The following ZBTB46 variants were observed in gnomAD, a reference collection of about 807,000 sequenced individuals.
ZBTB46 encodes the protein zinc finger and BTB domain-containing protein 46.
A neutral mutation model predicts 44.1 loss-of-function variants in ZBTB46; 8 were observed. The observed-to-expected ratio is 0.18, with a 90% confidence interval of 0.11 to 0.33. The LOEUF is 0.33. ZBTB46 is among the 10% of genes least tolerant of loss of function. The pLI is 1.00. For missense variants in ZBTB46, 651 were observed against 847.7 expected, an observed-to-expected ratio of 0.77 and a Z score of 2.88; for synonymous variants, 409 against 382.3, an observed-to-expected ratio of 1.07 and a Z score of -0.81.
intron 1 of ZBTB46, among the ~76,000 whole-genome samples, chr20:63,826,530 G>A (rs2092820257): frequency 6.6e-6 from 1 of 151,518 alleles, no homozygotes; most frequent in Admixed American, 6.6e-5. Context: ...AGACCATCCT[G>A]GCTAACATGG....
At chr20:63,794,103 G>A (rs575581323) in intron 1 of ZBTB46, among the ~76,000 whole-genome samples, 5 of 151,550 alleles carry the variant, frequency 3.3e-5, no homozygotes, top group East Asian at 1.9e-4. Flanking sequence ...GGAGAATAGC[G>A]TGAACCCGGG....
chr20:63,778,460 G>T (rs889370297), intron 2 of ZBTB46, among the ~76,000 whole-genome samples: 1 of 152,210 alleles, frequency 6.6e-6, no homozygotes, highest in African/African-American at 2.4e-5. Context: ...CAGAAACACA[G>T]GGGCATGGGG....
Position 63,743,790 on chromosome 20 carries a change from G to A in ZBTB46, c.*3140C>T, listed in dbSNP as rs1455050368. The A allele has an allele frequency of 6.6e-6, 1 of 152,472 alleles. No homozygotes were observed. The highest frequency in any genetic ancestry group is 1.5e-5 in the Non-Finnish European group (1 of 68,052). 9.4% of individuals were successfully genotyped at this position (152,472 alleles called of 1,614,324 possible). On this transcript the variant is annotated 3_prime_UTR_variant, in exon 5 of 5. Transcript: ENST00000245663. ...AGAAACTTGGAGACTCACCGCAGAG[G>A]CCACGTGAACCCACGGCCACAGAGA... is the stretch of plus-strand genomic sequence containing the variant.
intron 3 of ZBTB46, among the ~76,000 whole-genome samples, chr20:63,771,524 C>G (rs928400859): frequency 6.6e-6 from 1 of 152,178 alleles, no homozygotes; most frequent in Non-Finnish European, 1.5e-5. Flanking sequence ...GTTCTCTCCC[C>G]CGATCAGCGT....
intron 1 of ZBTB46, among the ~76,000 whole-genome samples, chr20:63,810,849 T>C (rs966486719): frequency 1.3e-5 from 2 of 151,920 alleles, no homozygotes; most frequent in African/African-American, 4.8e-5. Context: ...ACCCAGGAGG[T>C]GAACAGAGCG....
At position 63,753,730 on chromosome 20, in the gene ZBTB46, G is replaced by T. The variant is rs942976011; in HGVS notation, c.1223-869C>A. On this transcript the variant is annotated intron_variant, in intron 3 of 4. Transcript: ENST00000245663. ...CAGGACATCTTCCCCTCTGCATACT[G>T]TGACCACCTTTCAGTGCTGGGATTT... is the stretch of plus-strand genomic sequence containing the variant. Among the ~76,000 whole-genome samples, 17 of 152,382 alleles carry T rather than the reference G, an allele frequency of 1.1e-4. No homozygotes were observed. The Middle Eastern group carries it at 0.014, about 122-fold the overall frequency.
Position 63,790,320 on chromosome 20 carries a change from G to C in ZBTB46, c.438C>G (p.Ile146Met). 2 of 1,613,064 alleles carry C rather than the reference G, an allele frequency of 1.2e-6. No individual in the cohort carries two copies. Among genetic ancestry groups the C allele is most frequent in the Non-Finnish European group, 1.7e-6 (2 of 1,179,988 alleles). The stretch of plus-strand genomic sequence containing the variant: ...CCGTGCTGCTGCTGGACGAGGCGCC[G>C]ATCTCGAACTCCGCAAGCTCATCTG... ...DASDELAEFE[I>M]GASSSSSTEA... The change falls in exon 2 of 5, where the codon ATC becomes ATG. Residue 146 changes from isoleucine to methionine, a missense_variant. Around this residue, in one of 5 missense-constraint regions of ZBTB46, gnomAD observed 385 missense variants for 423.3 expected, o/e 0.91. Transcript: ENST00000245663.
At chr20:63,791,553 A>G (rs1216941469) in intron 1 of ZBTB46, among the ~76,000 whole-genome samples, 1 of 152,010 alleles carries the variant, frequency 6.6e-6, no homozygotes, top group Non-Finnish European at 1.5e-5. Flanking sequence ...ATAAGGAATT[A>G]AAGCATTCAT....
At chr20:63,823,490 CCT>C (rs1197030608) in intron 1 of ZBTB46, among the ~76,000 whole-genome samples, 2 of 138,348 alleles carry the variant, frequency 1.4e-5, no homozygotes, top group Non-Finnish European at 3.1e-5. Flanking sequence ...AGAGTGAGAC[CCT>C]GTCTCAAAAA....
chr20:63,756,083 C>G (rs542810220), intron 3 of ZBTB46, among the ~76,000 whole-genome samples: 4 of 152,334 alleles, frequency 2.6e-5, no homozygotes, highest in Admixed American at 6.5e-5. Context: ...TGGAGGCCTC[C>G]CCTAAGCTCA....
At chr20:63,800,046 T>A (rs745473435) in intron 1 of ZBTB46, among the ~76,000 whole-genome samples, 3 of 152,056 alleles carry the variant, frequency 2.0e-5, no homozygotes, top group Non-Finnish European at 4.4e-5. Flanking sequence ...AATGTCCAAA[T>A]GTGCATCAAC....
chr20:63,820,316 G>A (rs1305513797), intron 1 of ZBTB46, among the ~76,000 whole-genome samples: 1 of 151,804 alleles, frequency 6.6e-6, no homozygotes, highest in Non-Finnish European at 1.5e-5. Flanking sequence ...AGCCAGGATG[G>A]TCTCGATCTC....
intron 2 of ZBTB46, among the ~76,000 whole-genome samples, chr20:63,778,126 G>A (rs1231626882): frequency 9.5e-6 from 1 of 105,454 alleles, no homozygotes; most frequent in Non-Finnish European, 2.2e-5. Context: ...AGGATGCTGT[G>A]AATATACCAT....
intron 2 of ZBTB46, among the ~76,000 whole-genome samples, chr20:63,785,448 C>T (rs796689362): frequency 2.0e-5 from 3 of 151,898 alleles, no homozygotes; most frequent in African/African-American, 7.2e-5. Flanking sequence ...GTAATCCCAG[C>T]TACTCGGAGG....
chr20:63,750,720 C>T lies in ZBTB46; in HGVS notation c.1398+1966G>A, dbSNP rs374237384. ...AGGAGTTCGGGACTAGCCTGGGCAACACAGCGAAATCCCATCACCACAAAA... is the reference window on the plus strand; with the variant it reads ...AGGAGTTCGGGACTAGCCTGGGCAATACAGCGAAATCCCATCACCACAAAA... On this transcript the variant is annotated intron_variant, in intron 4 of 4. Coordinates refer to ENST00000245663, the MANE Select transcript of ZBTB46 (RefSeq NM_001369741.1). 7.2e-5 allele frequency among the ~76,000 whole-genome samples: 11 copies of T among 152,030 alleles called. No individual in the cohort carries two copies. The East Asian group carries it at 1.7e-3, about 24-fold the overall frequency.
chr20:63,806,084 A>T (rs570890371), intron 1 of ZBTB46, among the ~76,000 whole-genome samples: 96 of 151,212 alleles, frequency 6.3e-4, no homozygotes, highest in African/African-American at 2.0e-3. Context: ...CCCAACTTTT[A>T]AAAATATTAT....
At chr20:63,766,964 C>G (rs1228857001) in intron 3 of ZBTB46, among the ~76,000 whole-genome samples, 3 of 152,144 alleles carry the variant, frequency 2.0e-5, no homozygotes, top group African/African-American at 7.2e-5. Flanking sequence ...GATGCCTATC[C>G]CCCTCCTGAG....
intron 3 of ZBTB46, among the ~76,000 whole-genome samples, chr20:63,766,311 G>A (rs2145822565): frequency 6.7e-6 from 1 of 149,146 alleles, no homozygotes; most frequent in African/African-American, 2.5e-5. Context: ...CGCCTCCCGG[G>A]TTCAAGTGAT....
chr20:63,772,683 C>T (rs1447918471), intron 3 of ZBTB46, among the ~76,000 whole-genome samples: 1 of 152,008 alleles, frequency 6.6e-6, no homozygotes, highest in East Asian at 1.9e-4. Flanking sequence ...AGTGCCAATG[C>T]ACTCCAGCCT....
Sources: gnomAD v4.1 joint callset for allele counts (sites outside exome capture counted in the v4.1 genomes callset) on GRCh38, gnomAD v4.1.1 for gene constraint, gnomAD v4.1.1 regional missense constraint, MANE v1.5 for transcripts, NCBI Gene and HGNC (gene_info 2026-07-23, HGNC 2026-07-21) for gene names.